NRXN3: variants seen among roughly 807,000 people sequenced by gnomAD.
The protein encoded by NRXN3 is neurexin III.
A neutral mutation model predicts 137.6 loss-of-function variants in NRXN3; 32 were observed. That is an observed-to-expected ratio of 0.23 (90% CI 0.18 to 0.31). The LOEUF (loss-of-function observed/expected upper bound fraction) is 0.31, where lower values mean the gene tolerates loss of function less well. NRXN3 is among the 10% of genes least tolerant of loss of function. The pLI, the probability that NRXN3 is intolerant of heterozygous loss-of-function variation, is 1.00. For synonymous variants in NRXN3, 798 were observed against 784.5 expected, an observed-to-expected ratio of 1.02 and a Z score of -0.29; for missense variants, 1,574 against 2,062.5, an observed-to-expected ratio of 0.76 and a Z score of 4.59.
chr14:78,709,090 T>C, intron 6 of NRXN3, 127 bp from the exon 7 acceptor site: 1 of 762,436 alleles, frequency 1.3e-6, no homozygotes, highest in Non-Finnish European at 2.1e-6. Context: ...TCTCATTGTT[T>C]CTCATGTTGT....
chr14:79,704,972 A>G (rs1190330009), intron 19 of NRXN3, among the ~76,000 whole-genome samples: 1 of 152,074 alleles, frequency 6.6e-6, no homozygotes, highest in African/African-American at 2.4e-5. Context: ...TTCCTTTAAT[A>G]CGTAATTTTG....
At chr14:79,046,860 A>G (rs1370293580) in intron 15 of NRXN3, among the ~76,000 whole-genome samples, 1 of 152,236 alleles carries the variant, frequency 6.6e-6, no homozygotes, top group Non-Finnish European at 1.5e-5. Flanking sequence ...ATTAAATTTA[A>G]CAGAATTAAG....
At chr14:78,474,253 A>G (rs547313986) in intron 4 of NRXN3, among the ~76,000 whole-genome samples, 1 of 152,330 alleles carries the variant, frequency 6.6e-6, no homozygotes, top group South Asian at 2.1e-4. Context: ...AAGAGCCACC[A>G]TTCTTCATGG....
intron 4 of NRXN3, among the ~76,000 whole-genome samples, chr14:78,306,976 A>G (rs1411687200): frequency 1.3e-5 from 2 of 152,164 alleles, no homozygotes; most frequent in African/African-American, 2.4e-5. Context: ...ATGTATTTTT[A>G]TATATGCAGT....
chr14:78,261,169 G>A (rs372830843), intron 2 of NRXN3, among the ~76,000 whole-genome samples: 3 of 151,980 alleles, frequency 2.0e-5, no homozygotes, highest in Admixed American at 6.6e-5. Context: ...GAATGGGGGC[G>A]GGGGGGCTCC....
At chr14:79,855,573 A>T (rs1353291786) in intron 20 of NRXN3, among the ~76,000 whole-genome samples, 2 of 152,254 alleles carry the variant, frequency 1.3e-5, no homozygotes, top group East Asian at 1.9e-4. Context: ...TGTTATTTTT[A>T]AAAAATACAA....
At position 79,183,308 on chromosome 14, in the gene NRXN3, T is replaced by C. The variant is rs552231910; in HGVS notation, c.3262+195167T>C. On this transcript the variant is annotated intron_variant, in intron 15 of 20. Transcript: ENST00000335750. ...GTTATAGCAAGATCTGTACTAGAAT[T>C]AGCCAGTTCAACCCAACCACATCTT... is the stretch of plus-strand genomic sequence containing the variant. Among the ~76,000 whole-genome samples, 3 of 152,340 alleles carry C rather than the reference T, an allele frequency of 2.0e-5. No individual in the cohort carries two copies. The East Asian group carries it at 5.8e-4, about 29-fold the overall frequency.
chr14:78,694,771 C>T (rs1357888316), intron 6 of NRXN3, among the ~76,000 whole-genome samples: 2 of 151,820 alleles, frequency 1.3e-5, no homozygotes, highest in African/African-American at 4.8e-5. Flanking sequence ...ATTTTCTATT[C>T]TTATTTGGTT....
intron 16 of NRXN3, among the ~76,000 whole-genome samples, chr14:79,661,400 C>T (rs2098532877): frequency 6.6e-6 from 1 of 152,118 alleles, no homozygotes; most frequent in Admixed American, 6.6e-5. Flanking sequence ...ATTCTATATT[C>T]CTCGCTTCTA....
chr14:79,195,247 G>A (rs2064990639), intron 15 of NRXN3, among the ~76,000 whole-genome samples: 1 of 152,164 alleles, frequency 6.6e-6, no homozygotes, highest in Non-Finnish European at 1.5e-5. Flanking sequence ...TGGACTTCCT[G>A]ATCTCTACCA....
chr14:78,993,666 G>T (rs147671198), intron 15 of NRXN3, among the ~76,000 whole-genome samples: 6 of 152,066 alleles, frequency 3.9e-5, no homozygotes, highest in Non-Finnish European at 8.8e-5. Flanking sequence ...TGTTCTCAAA[G>T]ACCTTCTAGT....
intron 11 of NRXN3, among the ~76,000 whole-genome samples, chr14:78,958,375 T>A (rs969305312): frequency 4.0e-5 from 6 of 151,452 alleles, no homozygotes; most frequent in Admixed American, 2.6e-4. Context: ...TTTTTTTTTT[T>A]AAGACAGTCT....
chr14:79,007,805 C>CAAAAAAAAAA (rs1160867331), intron 15 of NRXN3, among the ~76,000 whole-genome samples: 2 of 37,980 alleles, frequency 5.3e-5, no homozygotes, highest in Non-Finnish European at 1.2e-4. Flanking sequence ...GACTCCATCT[C>CAAAAAAAAAA]AAAAAAAAAA....
chr14:78,590,305 A>G (rs892920678), intron 4 of NRXN3, among the ~76,000 whole-genome samples: 4 of 152,188 alleles, frequency 2.6e-5, no homozygotes, highest in African/African-American at 9.7e-5. Flanking sequence ...TCGTGATCCC[A>G]TTCCCCTTAC....
At chr14:79,257,388 A>ATGGTGGTGGTGG (rs1555899794) in intron 15 of NRXN3, among the ~76,000 whole-genome samples, 1 of 31,456 alleles carries the variant, frequency 3.2e-5, no homozygotes, top group African/African-American at 1.4e-4. Flanking sequence ...GGTGGTGGTG[A>ATGGTGGTGGTGG]TGGTGGTGGT....
At chr14:78,992,904 G>A (rs1456107065) in intron 15 of NRXN3, among the ~76,000 whole-genome samples, 1 of 152,138 alleles carries the variant, frequency 6.6e-6, no homozygotes, top group Non-Finnish European at 1.5e-5. Context: ...TGCTCATCAT[G>A]GCTTTGTGGG....
At chr14:79,000,068 G>A (rs1283153307) in intron 15 of NRXN3, among the ~76,000 whole-genome samples, 2 of 152,086 alleles carry the variant, frequency 1.3e-5, no homozygotes, top group Non-Finnish European at 2.9e-5. Flanking sequence ...TTTCCCTGTA[G>A]GAGAATTCAG....
intron 1 of NRXN3, among the ~76,000 whole-genome samples, chr14:78,203,713 A>G (rs2061889800): frequency 6.6e-6 from 1 of 152,304 alleles, no homozygotes; most frequent in South Asian, 2.1e-4. Context: ...TGAAAACTTT[A>G]AAAAGTCAGA....
At chr14:78,986,949 G>C (rs2099507730) in intron 14 of NRXN3, among the ~76,000 whole-genome samples, 1 of 150,210 alleles carries the variant, frequency 6.7e-6, no homozygotes, top group East Asian at 2.0e-4. Context: ...CTTGAAGCTG[G>C]GAGGTGGAGA....
Sources: allele counts gnomAD v4.1 joint callset (sites outside exome capture counted in the v4.1 genomes callset), GRCh38; gene constraint gnomAD v4.1.1; transcripts MANE v1.5; gene names NCBI Gene and HGNC (gene_info 2026-07-23, HGNC 2026-07-21).